ERBIN: variants seen among roughly 807,000 people sequenced by gnomAD.
ERBIN encodes the protein erbb2 interacting protein.
In ERBIN, 60 loss-of-function variants were observed where a neutral mutation model predicts 158.4. The ratio of observed to expected loss-of-function variants is 0.38; its 90% CI spans 0.31 to 0.47. The LOEUF (loss-of-function observed/expected upper bound fraction) is 0.47. Among genes scored for constraint, ERBIN ranks in the 20% least tolerant of loss-of-function variants. The pLI is 0.99. For missense variants in ERBIN, 1,610 were observed against 1,648.0 expected, an observed-to-expected ratio of 0.98 and a Z score of 0.40; for synonymous variants, 594 against 557.2, an observed-to-expected ratio of 1.07 and a Z score of -0.93.
Position 66,078,620 on chromosome 5 carries a change from AAAG to A in ERBIN, c.*96_*98del, listed in dbSNP as rs1399457774. 5.7e-5 allele frequency: 45 copies of A among 787,514 alleles called. No individual in the cohort carries two copies. The highest frequency in any genetic ancestry group is 2.1e-4 in the South Asian group (13 of 62,154). The allele number at this position is 787,514 out of a possible 1,614,324, so 48.8% of individuals were successfully genotyped here. A position where few individuals can be genotyped will look rare whatever the true frequency, so the allele number is the denominator to read the frequency against. On this transcript the variant is annotated 3_prime_UTR_variant, in exon 26 of 26. Coordinates refer to ENST00000284037, the MANE Select transcript of ERBIN (RefSeq NM_001253697.2). ...TAATATTTTGACTATTTTTATATAT[AAAG>A]AAGAACTCAAAAAATTATGTTCAAA...
intron 21 of ERBIN, among the ~76,000 whole-genome samples, chr5:66,065,008 A>G (rs1760836067): frequency 6.6e-6 from 1 of 152,134 alleles, no homozygotes; most frequent in Admixed American, 6.5e-5. Flanking sequence ...CCAAATCAAT[A>G]TTTTTTTAAA....
chr5:66,026,281 C>T (rs1756244642), intron 12 of ERBIN, 21 bp from the exon 13 acceptor site: 4 of 1,501,264 alleles, frequency 2.7e-6, no homozygotes, highest in East Asian at 2.4e-5. Flanking sequence ...TTTTGATACT[C>T]AGTTTATATT....
At chr5:66,013,433 A>T (rs572975005) in intron 5 of ERBIN, 116 bp from the exon 6 acceptor site, 1 of 768,416 alleles carries the variant, frequency 1.3e-6, no homozygotes, top group East Asian at 2.5e-5. Context: ...GTAGCCACTC[A>T]TAACAGAAGC....
chr5:66,028,226 A>G, intron 13 of ERBIN, 48 bp from the exon 14 acceptor site: 6 of 1,420,282 alleles, frequency 4.2e-6, no homozygotes, highest in Non-Finnish European at 5.9e-6. Context: ...TTCATTTTAA[A>G]TCTTCTCATT....
In ERBIN at chr5:66,078,921, T is replaced by C. The variant is rs1762248183; in HGVS notation, c.*391T>C. Reference sequence around the variant, plus strand: ...AGAGCTATCTCTCTCATAGCTTTTATGCCCTTATTTTTATTCAACTGGTAT... The same window carrying C: ...AGAGCTATCTCTCTCATAGCTTTTACGCCCTTATTTTTATTCAACTGGTAT... On this transcript the variant is annotated 3_prime_UTR_variant, in exon 26 of 26. Transcript: ENST00000284037. 5.8e-6 allele frequency: 1 copy of C among 171,324 alleles called. No homozygotes were observed. The highest frequency in any genetic ancestry group is 2.4e-5 in the African/African-American group (1 of 41,638). 10.6% of individuals were successfully genotyped at this position (171,324 alleles called of 1,614,324 possible).
intron 18 of ERBIN, among the ~76,000 whole-genome samples, chr5:66,047,698 C>G (rs1758582077): frequency 6.6e-6 from 1 of 151,944 alleles, no homozygotes; most frequent in South Asian, 2.1e-4. Context: ...CCTGGTTATC[C>G]TGTGAGCTGT....
intron 21 of ERBIN, among the ~76,000 whole-genome samples, chr5:66,064,971 A>G (rs1043445857): frequency 3.9e-5 from 6 of 152,314 alleles, no homozygotes; most frequent in Admixed American, 6.5e-5. Context: ...AAGTGCTGTG[A>G]TTACAGATGT....
In ERBIN at chr5:66,024,403, ACCT is replaced by A. The variant is rs753916964; in HGVS notation, c.774_776del (p.Leu260del). The stretch of plus-strand genomic sequence containing the variant: ...ATTTCAACATGTGAAAACCTTCAAG[ACCT>A]CCTATTATCAAGCAATTCACTTCAG... On this transcript the variant is annotated inframe_deletion, in exon 10 of 26. Transcript: ENST00000284037. The A allele has an allele frequency of 6.2e-7, 1 of 1,605,476 alleles. No homozygotes were observed. The highest frequency in any genetic ancestry group is 8.5e-7 in the Non-Finnish European group (1 of 1,177,658).
chr5:66,016,952 A>C (rs1338531340), intron 7 of ERBIN, among the ~76,000 whole-genome samples: 1 of 151,876 alleles, frequency 6.6e-6, no homozygotes, highest in East Asian at 1.9e-4. Context: ...GAATGAGTAC[A>C]TGCAATATTT....
chr5:65,979,356 G>A (rs978461895), intron 1 of ERBIN, among the ~76,000 whole-genome samples: 1 of 152,152 alleles, frequency 6.6e-6, no homozygotes, highest in Admixed American at 6.5e-5. Flanking sequence ...GAACCTGGGA[G>A]GTTGAGGCTG....
chr5:65,981,656 A>C (rs906301141), intron 1 of ERBIN, among the ~76,000 whole-genome samples: 4 of 152,214 alleles, frequency 2.6e-5, no homozygotes, highest in African/African-American at 9.6e-5. Flanking sequence ...AACAACAAAA[A>C]AAAAACAATT....
At chr5:65,933,616 C>T (rs549892775) in intron 1 of ERBIN, among the ~76,000 whole-genome samples, 2 of 152,262 alleles carry the variant, frequency 1.3e-5, no homozygotes, top group East Asian at 3.9e-4. Flanking sequence ...GCTAAGAAAA[C>T]TCATCTTTTT....
At chr5:66,046,687 T>C (rs2151213984) in intron 18 of ERBIN, 149 bp downstream of exon 18, 1 of 611,774 alleles carries the variant, frequency 1.6e-6, no homozygotes, top group Non-Finnish European at 2.7e-6. Flanking sequence ...TATCACTCAC[T>C]TGTCACTTTA....
At chr5:66,033,824 GA>G in intron 14 of ERBIN, among the ~76,000 whole-genome samples, 1 of 152,228 alleles carries the variant, frequency 6.6e-6, no homozygotes, top group Admixed American at 6.5e-5. Context: ...TTAAGAATAT[GA>G]GGGTCTGGTG....
intron 1 of ERBIN, among the ~76,000 whole-genome samples, chr5:65,946,703 A>G (rs1271167464): frequency 1.3e-5 from 2 of 152,076 alleles, no homozygotes; most frequent in Non-Finnish European, 2.9e-5. Flanking sequence ...AGTGTTTTCC[A>G]TAGTGGTTGT....
chr5:65,942,128 C>T (rs1745128542), intron 1 of ERBIN, among the ~76,000 whole-genome samples: 1 of 152,206 alleles, frequency 6.6e-6, no homozygotes, highest in South Asian at 2.1e-4. Flanking sequence ...TACTCACTCA[C>T]TATCACTGTA....
At chr5:65,961,965 G>C (rs1747976170) in intron 1 of ERBIN, among the ~76,000 whole-genome samples, 1 of 152,100 alleles carries the variant, frequency 6.6e-6, no homozygotes, top group Non-Finnish European at 1.5e-5. Flanking sequence ...TTTTACCAGA[G>C]AGTTGTTGTA....
chr5:65,943,982 C>T (rs976966648), intron 1 of ERBIN, among the ~76,000 whole-genome samples: 1 of 152,152 alleles, frequency 6.6e-6, no homozygotes, highest in African/African-American at 2.4e-5. Context: ...GTCAGAATTT[C>T]CTTCCTAAGA....
intron 17 of ERBIN, among the ~76,000 whole-genome samples, 174 bp downstream of exon 17, chr5:66,044,484 G>C (rs903207284): frequency 6.6e-6 from 1 of 152,202 alleles, no homozygotes; most frequent in Non-Finnish European, 1.5e-5. Context: ...AGTATAAGGG[G>C]CTGGGCGTGG....
Sources: gnomAD v4.1 joint callset for allele counts (sites outside exome capture counted in the v4.1 genomes callset) on GRCh38, gnomAD v4.1.1 for gene constraint, MANE v1.5 for transcripts, NCBI Gene and HGNC (gene_info 2026-07-23, HGNC 2026-07-21) for gene names.